The following TRDN variants were observed in gnomAD, a reference collection of about 807,000 sequenced individuals.
TRDN encodes the protein triadin in skeletal muscle.
TRDN carries 161 observed loss-of-function variants against 149.7 expected under a neutral mutation model. The ratio of observed to expected loss-of-function variants is 1.08; its 90% confidence interval spans 0.95 to 1.23. The LOEUF (loss-of-function observed/expected upper bound fraction) is 1.23. TRDN is among the 50% of genes most tolerant of loss of function. TRDN has a pLI of 0.00. For synonymous variants in TRDN, 294 were observed against 250.5 expected, an observed-to-expected ratio of 1.17 and a Z score of -1.64; for missense variants, 896 against 823.5, an observed-to-expected ratio of 1.09 and a Z score of -1.08.
chr6:123,386,282 C>A (rs1410396510), intron 14 of TRDN, among the ~76,000 whole-genome samples: 1 of 152,008 alleles, frequency 6.6e-6, no homozygotes, highest in Non-Finnish European at 1.5e-5. Flanking sequence ...AGTATCAGAC[C>A]AACTTCTCAG....
chr6:123,476,580 A>G (rs1451913090), intron 9 of TRDN, among the ~76,000 whole-genome samples: 1 of 147,474 alleles, frequency 6.8e-6, no homozygotes, highest in Non-Finnish European at 1.5e-5. Context: ...ATATGGAACC[A>G]AAAAAGAGCC....
intron 7 of TRDN, among the ~76,000 whole-genome samples, chr6:123,504,946 G>A (rs1399734060): frequency 1.3e-5 from 2 of 152,080 alleles, no homozygotes; most frequent in Admixed American, 6.6e-5. Context: ...TGTCACTCAT[G>A]TTAAAGAATT....
intron 21 of TRDN, among the ~76,000 whole-genome samples, chr6:123,338,127 C>A (rs997965555): frequency 1.3e-5 from 2 of 152,054 alleles, no homozygotes; most frequent in African/African-American, 4.8e-5. Flanking sequence ...GGATTTGAAC[C>A]ACTATATCTA....
chr6:123,245,983 G>A (rs1228204162), intron 38 of TRDN, among the ~76,000 whole-genome samples: 1 of 152,120 alleles, frequency 6.6e-6, no homozygotes, highest in East Asian at 1.9e-4. Context: ...GCTCCTGAAT[G>A]ACTACTGGGT....
intron 27 of TRDN, among the ~76,000 whole-genome samples, chr6:123,274,049 G>A (rs1777291250): frequency 6.6e-6 from 1 of 151,990 alleles, no homozygotes; most frequent in African/African-American, 2.4e-5. Context: ...CTTCAACATT[G>A]ATTAACTTGA....
At chr6:123,593,161 T>C (rs1289745825) in intron 1 of TRDN, among the ~76,000 whole-genome samples, 1 of 152,220 alleles carries the variant, frequency 6.6e-6, no homozygotes, top group East Asian at 1.9e-4. Context: ...ATAGTTAATA[T>C]GCTAGCCCCA....
rs372420125 is a variant in TRDN at position 123,410,988 on chromosome 6, G to T, written c.1052-17311C>A. 2.6e-4 allele frequency among the ~76,000 whole-genome samples: 39 copies of T among 151,298 alleles called. No homozygotes were observed. In the South Asian group the frequency reaches 7.7e-3, roughly 30 times the overall value. ...CCAAATTTGATATTTACAAGCAGAA[G>T]AGTGCCTGGTGTGTAGCTGTTATTC... On this transcript the variant is annotated intron_variant, in intron 12 of 40. Transcript: ENST00000334268.
chr6:123,249,885 C>A (rs1415209040), intron 38 of TRDN, among the ~76,000 whole-genome samples: 1 of 152,024 alleles, frequency 6.6e-6, no homozygotes, highest in Non-Finnish European at 1.5e-5. Flanking sequence ...TAAAAGGCAT[C>A]CACATTGGAA....
intron 10 of TRDN, among the ~76,000 whole-genome samples, chr6:123,443,291 A>G (rs1388465473): frequency 6.6e-6 from 1 of 151,106 alleles, no homozygotes; most frequent in Non-Finnish European, 1.5e-5. Flanking sequence ...AAAAAAAAGA[A>G]AGCTTTGTTT....
intron 24 of TRDN, among the ~76,000 whole-genome samples, chr6:123,294,297 C>T (rs1778114421): frequency 6.6e-6 from 1 of 152,144 alleles, no homozygotes; most frequent in Non-Finnish European, 1.5e-5. Flanking sequence ...AAAGTGCCTT[C>T]CCAAGTCTTA....
chr6:123,618,855 CCT>C (rs757527135), intron 1 of TRDN, among the ~76,000 whole-genome samples: 5 of 152,076 alleles, frequency 3.3e-5, no homozygotes, highest in South Asian at 2.1e-4. Flanking sequence ...CTTCTTCTCC[CCT>C]CTCTCCTCCT....
intron 28 of TRDN, 75 bp from the exon 29 acceptor site, chr6:123,273,086 T>C (rs1455175757): frequency 3.1e-6 from 3 of 962,562 alleles, no homozygotes; most frequent in South Asian, 3.7e-5. Context: ...TTAGCAAATG[T>C]GCCCATAGAG....
intron 5 of TRDN, among the ~76,000 whole-genome samples, chr6:123,519,014 C>A (rs1437452801): frequency 2.0e-5 from 3 of 152,200 alleles, no homozygotes; most frequent in Admixed American, 6.5e-5. Context: ...TTAGAGCCCA[C>A]AACCAGGAGT....
chr6:123,480,252 A>AG (rs1370853041), intron 9 of TRDN, among the ~76,000 whole-genome samples: 1 of 150,398 alleles, frequency 6.6e-6, no homozygotes, highest in East Asian at 1.9e-4. Flanking sequence ...CCGTTTCCAA[A>AG]AAAAAAAAAA....
At chr6:123,330,709 C>T (rs1779629480) in intron 23 of TRDN, among the ~76,000 whole-genome samples, 2 of 151,884 alleles carry the variant, frequency 1.3e-5, no homozygotes, top group South Asian at 4.1e-4. Flanking sequence ...CATTAAATAA[C>T]AATTATGTTT....
At chr6:123,621,741 G>A (rs528862339) in intron 1 of TRDN, among the ~76,000 whole-genome samples, 3 of 152,162 alleles carry the variant, frequency 2.0e-5, no homozygotes, top group South Asian at 4.2e-4. Context: ...TCGATGTTGA[G>A]GTCATAAAAC....
In TRDN at chr6:123,278,477, G is replaced by A. The variant is rs188296783; in HGVS notation, c.1538-130C>T. The A allele has an allele frequency of 5.5e-4, 310 of 561,720 alleles. No homozygotes were observed. In the Middle Eastern group the frequency reaches 6.7e-3, roughly 12 times the overall value. 34.8% of individuals were successfully genotyped at this position (561,720 alleles called of 1,614,324 possible). A position where few individuals can be genotyped will look rare whatever the true frequency, so the allele number is the denominator to read the frequency against. ...TTGGTTTCAATCTCCTATTAACTTC[G>A]AAAAGTTCATGTCATATTAACCATA... On this transcript the variant is annotated intron_variant, in intron 25 of 40. Transcript: ENST00000334268.
intron 5 of TRDN, among the ~76,000 whole-genome samples, chr6:123,527,684 A>C (rs1299821302): frequency 1.3e-5 from 2 of 151,850 alleles, no homozygotes; most frequent in African/African-American, 4.8e-5. Flanking sequence ...AAAAATGTTA[A>C]ATTATGGTTG....
chr6:123,522,671 C>T (rs1489544076), intron 5 of TRDN, among the ~76,000 whole-genome samples: 5 of 152,100 alleles, frequency 3.3e-5, no homozygotes, highest in Non-Finnish European at 5.9e-5. Flanking sequence ...TAACCACAGA[C>T]ATTTGACTTA....
Sources: gnomAD v4.1 joint callset for allele counts (sites outside exome capture counted in the v4.1 genomes callset) on GRCh38, gnomAD v4.1.1 for gene constraint, MANE v1.5 for transcripts, NCBI Gene and HGNC (gene_info 2026-07-23, HGNC 2026-07-21) for gene names.